NRG3: variants seen among roughly 807,000 people sequenced by gnomAD.
The protein encoded by NRG3 is neuregulin 3.
NRG3 carries 31 observed loss-of-function variants against 66.9 expected under a neutral mutation model. The ratio of observed to expected loss-of-function variants is 0.46; its 90% CI spans 0.35 to 0.63. NRG3 has a LOEUF of 0.63. NRG3 is among the 20% of genes least tolerant of loss of function. NRG3 has a pLI of 0.00. For synonymous variants in NRG3, 393 were observed against 359.4 expected, an observed-to-expected ratio of 1.09 and a Z score of -1.06; for missense variants, 910 against 878.9, an observed-to-expected ratio of 1.04 and a Z score of -0.45.
intron 2 of NRG3, among the ~76,000 whole-genome samples, chr10:82,707,262 T>C (rs2056365072): frequency 1.3e-5 from 2 of 151,670 alleles, no homozygotes; most frequent in Non-Finnish European, 2.9e-5. Flanking sequence ...TGTATGGATT[T>C]TTTTCTAATG....
intron 1 of NRG3, among the ~76,000 whole-genome samples, chr10:82,289,829 T>A (rs1404874965): frequency 6.6e-6 from 1 of 152,216 alleles, no homozygotes; most frequent in Non-Finnish European, 1.5e-5. Flanking sequence ...ATTTGGTAAT[T>A]GCAGAAGAAA....
chr10:82,645,321 G>A (rs935566837), intron 2 of NRG3, among the ~76,000 whole-genome samples: 4 of 152,154 alleles, frequency 2.6e-5, no homozygotes, highest in Admixed American at 2.6e-4. Flanking sequence ...TTGTGCATGA[G>A]ATCAAAATAC....
At chr10:82,428,980 A>T (rs2136303380) in intron 2 of NRG3, among the ~76,000 whole-genome samples, 1 of 152,042 alleles carries the variant, frequency 6.6e-6, no homozygotes, top group African/African-American at 2.4e-5. Context: ...TTTCCTGAGT[A>T]ATAATATTTG....
intron 2 of NRG3, among the ~76,000 whole-genome samples, chr10:82,716,278 A>C (rs1256573845): frequency 1.3e-5 from 2 of 152,204 alleles, no homozygotes; most frequent in Non-Finnish European, 2.9e-5. Context: ...TTAAGCATAT[A>C]CATATGTATA....
At chr10:82,936,924 A>G (rs896587799) in intron 4 of NRG3, among the ~76,000 whole-genome samples, 1 of 152,102 alleles carries the variant, frequency 6.6e-6, no homozygotes, top group East Asian at 1.9e-4. Context: ...TATCCTTAAG[A>G]TAAATCTTTG....
intron 4 of NRG3, among the ~76,000 whole-genome samples, chr10:82,889,670 A>G (rs72821829): frequency 1.3e-5 from 2 of 152,194 alleles, no homozygotes; most frequent in Non-Finnish European, 2.9e-5. Context: ...CTGCTTCCAG[A>G]AGAAACAAAG....
chr10:82,436,783 C>T (rs971116423), intron 2 of NRG3, among the ~76,000 whole-genome samples: 11 of 152,110 alleles, frequency 7.2e-5, no homozygotes, highest in Admixed American at 7.2e-4. Context: ...TTTATTTCTC[C>T]TTCGCTTATG....
At chr10:82,843,186 C>T in intron 3 of NRG3, 1 of 432,306 alleles carries the variant, frequency 2.3e-6, no homozygotes, top group South Asian at 1.7e-5. Flanking sequence ...AATGTTTGTC[C>T]CCTCCACAAC....
intron 1 of NRG3, among the ~76,000 whole-genome samples, chr10:82,044,555 C>T (rs189225923): frequency 2.3e-3 from 356 of 151,956 alleles, no homozygotes; most frequent in South Asian, 0.02. Flanking sequence ...AACATCATAA[C>T]GAAATAATTT....
chr10:82,057,644 G>C (rs1422930199), intron 1 of NRG3, among the ~76,000 whole-genome samples: 1 of 151,884 alleles, frequency 6.6e-6, no homozygotes, highest in Non-Finnish European at 1.5e-5. Context: ...GAGTGGACAA[G>C]GGTATGATAA....
intron 3 of NRG3, among the ~76,000 whole-genome samples, chr10:82,802,739 A>G (rs543887785): frequency 6.6e-6 from 1 of 151,916 alleles, no homozygotes; most frequent in Admixed American, 6.6e-5. Flanking sequence ...TGAAGCTTTG[A>G]TCTCCTGGGC....
intron 1 of NRG3, among the ~76,000 whole-genome samples, chr10:81,983,906 G>C (rs1242257422): frequency 1.3e-5 from 2 of 152,134 alleles, no homozygotes; most frequent in Non-Finnish European, 2.9e-5. Context: ...TAAGGATCTT[G>C]ATATCGGGAG....
At chr10:82,333,409 G>T (rs2082237048) in intron 1 of NRG3, among the ~76,000 whole-genome samples, 2 of 152,208 alleles carry the variant, frequency 1.3e-5, no homozygotes, top group Admixed American at 1.3e-4. Context: ...ACTCTGAGTT[G>T]CATGTGGGAA....
intron 4 of NRG3, among the ~76,000 whole-genome samples, chr10:82,917,230 A>G (rs551284506): frequency 6.6e-6 from 1 of 152,322 alleles, no homozygotes; most frequent in East Asian, 1.9e-4. Context: ...CAATTCCATA[A>G]TATCATGCCA....
intron 1 of NRG3, among the ~76,000 whole-genome samples, chr10:82,253,623 C>T (rs981713428): frequency 6.6e-6 from 1 of 152,196 alleles, no homozygotes; most frequent in African/African-American, 2.4e-5. Flanking sequence ...AAATATTTTT[C>T]TAATCAGTCT....
At chr10:82,569,720 C>A (rs1048077728) in intron 2 of NRG3, among the ~76,000 whole-genome samples, 1 of 151,692 alleles carries the variant, frequency 6.6e-6, no homozygotes, top group African/African-American at 2.4e-5. Context: ...CTACTCTACA[C>A]TCTTTGCTAG....
At chr10:82,549,237 T>C (rs2044142588) in intron 2 of NRG3, among the ~76,000 whole-genome samples, 1 of 152,336 alleles carries the variant, frequency 6.6e-6, no homozygotes, top group South Asian at 2.1e-4. Context: ...GTTTATAGTT[T>C]ATGAATTTTC....
chr10:82,833,240 A>C (rs970964214), intron 3 of NRG3, among the ~76,000 whole-genome samples: 8 of 152,150 alleles, frequency 5.3e-5, no homozygotes, highest in Non-Finnish European at 8.8e-5. Context: ...GTCATCTGTT[A>C]ATTGTCAGAT....
At chr10:81,980,217 T>A (rs73308620) in intron 1 of NRG3, among the ~76,000 whole-genome samples, 7,758 of 152,122 alleles carry the variant, frequency 0.051, 220 homozygotes, top group African/African-American at 0.06. Context: ...TTTTTTTTGG[T>A]TGATCATGAA....
Sources: allele counts gnomAD v4.1 joint callset (sites outside exome capture counted in the v4.1 genomes callset), GRCh38; gene constraint gnomAD v4.1.1; transcripts MANE v1.5; gene names NCBI Gene and HGNC (gene_info 2026-07-23, HGNC 2026-07-21).